KAT6A: variants seen among roughly 807,000 people sequenced by gnomAD.
The protein encoded by KAT6A is histone acetyltransferase KAT6A.
Under a neutral mutation model 198.4 loss-of-function variants are expected in KAT6A, and 9 were observed. The observed-to-expected ratio is 0.05, with a 90% CI of 0.03 to 0.08. The LOEUF (loss-of-function observed/expected upper bound fraction) is 0.08, where lower values mean the gene tolerates loss of function less well. Among genes scored for constraint, KAT6A ranks in the 10% least tolerant of loss-of-function variants. The pLI, the probability that KAT6A is intolerant of heterozygous loss-of-function variation, is 1.00. For synonymous variants in KAT6A, 890 were observed against 883.0 expected (o/e 1.01, Z -0.14); for missense variants, 2,077 against 2,509.9 (o/e 0.83, Z 3.69).
At chr8:41,981,359 TAA>T (rs1824348993) in intron 4 of KAT6A, among the ~76,000 whole-genome samples, 2 of 152,148 alleles carry the variant, frequency 1.3e-5, no homozygotes, top group African/African-American at 2.4e-5. Context: ...ACCATAATAT[TAA>T]AAGTTTCCTT....
intron 8 of KAT6A, chr8:41,957,651 T>C (rs369035659): frequency 7.1e-4 from 136 of 191,068 alleles, no homozygotes; most frequent in African/African-American, 2.6e-3. Context: ...CAGGCTAGAA[T>C]TGACCTTTTA....
chr8:42,040,735 C>CAAAAAAAAAAAAAAAAAAAAAAAA (rs59959496), intron 2 of KAT6A, among the ~76,000 whole-genome samples: 1 of 54,670 alleles, frequency 1.8e-5, no homozygotes, highest in African/African-American at 7.6e-5. Context: ...GACTCTGTCT[C>CAAAAAAAAAAAAAAAAAAAAAAAA]AAAAAAAAAA....
At chr8:41,993,777 G>A (rs1031313521) in intron 2 of KAT6A, among the ~76,000 whole-genome samples, 1 of 152,122 alleles carries the variant, frequency 6.6e-6, no homozygotes, top group Non-Finnish European at 1.5e-5. Flanking sequence ...CTGCTAATCA[G>A]TACACCATGA....
chr8:41,951,461 T>C lies in KAT6A; in HGVS notation c.1599-2098A>G, dbSNP rs573897958. 1.3e-4 allele frequency among the ~76,000 whole-genome samples: 20 copies of C among 152,130 alleles called. No individual in the cohort carries two copies. The East Asian group carries it at 2.7e-3, about 21-fold the overall frequency. ...AGAAAGAACATGAGACTACAGGAAA[T>C]GAAATGTAGTTATAAAGATTATGAA... On this transcript the variant is annotated intron_variant, in intron 9 of 16. Coordinates refer to ENST00000265713, the MANE Select transcript of KAT6A (RefSeq NM_006766.5).
intron 2 of KAT6A, among the ~76,000 whole-genome samples, chr8:42,034,637 C>A (rs1827282328): frequency 6.6e-6 from 1 of 152,220 alleles, no homozygotes. Context: ...CTACTAGCCA[C>A]ATGTGGCTAT....
At position 41,932,819 on chromosome 8, in the gene KAT6A, C is replaced by T; in HGVS notation, c.5401G>A (p.Ala1801Thr). The change falls in exon 17 of 17, where the codon GCT becomes ACT. Residue 1801 changes from alanine to threonine, a missense_variant. Ala to Thr is a moderately conservative substitution (Grantham distance 58). This residue lies in a region of KAT6A where 500 missense variants were observed against 577.2 expected (regional missense o/e 0.87). Coordinates refer to ENST00000265713, the MANE Select transcript of KAT6A (RefSeq NM_006766.5). ...LAQLAPSHPLAGTPQAQATMT... is the reference protein window; with the variant it reads ...LAQLAPSHPLTGTPQAQATMT... ...GTGGCTTGTGCTTGAGGAGTCCCAG[C>T]TAAGGGATGAGATGGAGCCAGCTGA... The T allele has an allele frequency of 6.2e-7, 1 of 1,614,054 alleles. No homozygotes were observed. Among genetic ancestry groups the T allele is most frequent in the Non-Finnish European group, 8.5e-7 (1 of 1,179,964 alleles).
chr8:41,987,597 A>AATAAAAGTATTAG, intron 2 of KAT6A, 34 bp from the exon 3 acceptor site: 1 of 1,221,142 alleles, frequency 8.2e-7, no homozygotes, highest in Non-Finnish European at 1.2e-6. Context: ...TCCAGTACTA[A>AATAAAAGTATTAG]TACTTTTATT....
chr8:41,986,629 C>T (rs1824618791), intron 3 of KAT6A, among the ~76,000 whole-genome samples: 1 of 152,114 alleles, frequency 6.6e-6, no homozygotes, highest in South Asian at 2.1e-4. Flanking sequence ...CTGAATTACA[C>T]ATTTCAGCTA....
chr8:41,951,917 G>GC (rs1410528557), intron 9 of KAT6A, among the ~76,000 whole-genome samples: 1 of 152,132 alleles, frequency 6.6e-6, no homozygotes, highest in Non-Finnish European at 1.5e-5. Context: ...AGCAGCGTAG[G>GC]CCCAGTGATT....
chr8:41,991,965 GTAATCAA>G (rs1319762745), intron 2 of KAT6A, among the ~76,000 whole-genome samples: 1 of 152,124 alleles, frequency 6.6e-6, no homozygotes, highest in Non-Finnish European at 1.5e-5. Flanking sequence ...CAAGTAGAAA[GTAATCAA>G]TAATCAATTT....
At chr8:41,990,175 C>T (rs777534786) in intron 2 of KAT6A, among the ~76,000 whole-genome samples, 2 of 152,056 alleles carry the variant, frequency 1.3e-5, no homozygotes, top group African/African-American at 2.4e-5. Context: ...AGGAATAGTA[C>T]GGCCAAGATT....
At chr8:41,992,458 T>C (rs574643114) in intron 2 of KAT6A, among the ~76,000 whole-genome samples, 22 of 152,282 alleles carry the variant, frequency 1.4e-4, no homozygotes, top group African/African-American at 5.1e-4. Context: ...ATAAAAGAGA[T>C]TGGACCTATT....
intron 2 of KAT6A, among the ~76,000 whole-genome samples, chr8:41,997,216 C>T (rs1479237422): frequency 6.6e-6 from 1 of 151,882 alleles, no homozygotes; most frequent in Non-Finnish European, 1.5e-5. Flanking sequence ...TGAACAAAAC[C>T]AATTAGTATA....
intron 3 of KAT6A, among the ~76,000 whole-genome samples, chr8:41,983,741 T>C (rs1248002369): frequency 6.6e-6 from 1 of 152,254 alleles, no homozygotes; most frequent in Non-Finnish European, 1.5e-5. Flanking sequence ...TAATATGCAG[T>C]GCCACCAGCA....
intron 9 of KAT6A, among the ~76,000 whole-genome samples, chr8:41,951,135 T>C (rs1013741167): frequency 4.0e-5 from 6 of 151,682 alleles, no homozygotes; most frequent in South Asian, 2.1e-4. Context: ...GCCACTTCCT[T>C]AGAATGGCAA....
intron 2 of KAT6A, among the ~76,000 whole-genome samples, chr8:42,036,033 C>A (rs1224585458): frequency 6.6e-6 from 1 of 151,908 alleles, no homozygotes; most frequent in Non-Finnish European, 1.5e-5. Flanking sequence ...TGTCCTATGA[C>A]AAGGTAGCAA....
rs1821735927 is a variant in KAT6A at position 41,934,346 on chromosome 8, C to T, written c.3874G>A (p.Glu1292Lys). 8 of 1,613,992 alleles carry T rather than the reference C, an allele frequency of 5.0e-6. No individual in the cohort carries two copies. The highest frequency in any genetic ancestry group is 6.8e-6 in the Non-Finnish European group (8 of 1,180,018). Reference sequence around the variant, plus strand: ...TCCTCTGGCTCTGGCTCCTCTAATTCCTGCTGCTCCTCCTCTGACTGCCTC... The same window carrying T: ...TCCTCTGGCTCTGGCTCCTCTAATTTCTGCTGCTCCTCCTCTGACTGCCTC... ...EQRQSEEEQQELEEPEPEEEE... is the reference protein window; with the variant it reads ...EQRQSEEEQQKLEEPEPEEEE... Residue 1292 changes from glutamate to lysine, a missense_variant, in exon 17 of 17, where the codon GAA (glutamate) becomes AAA (lysine). Coordinates refer to ENST00000265713, the MANE Select transcript of KAT6A (RefSeq NM_006766.5).
At chr8:41,968,364 A>T (rs555864846) in intron 8 of KAT6A, among the ~76,000 whole-genome samples, 445 of 152,336 alleles carry the variant, frequency 2.9e-3, no homozygotes, top group Non-Finnish European at 5.1e-3. Context: ...GCCAAAAAAC[A>T]CATGAAAAAA....
chr8:41,932,709 A>C lies in KAT6A; in HGVS notation c.5511T>G (p.Ile1837Met), dbSNP rs1475277705. The C allele has an allele frequency of 1.2e-6, 2 of 1,614,216 alleles. No homozygotes were observed. Among genetic ancestry groups the C allele is most frequent in the Admixed American group, 1.7e-5 (1 of 60,028 alleles). The change falls in exon 17 of 17, where the codon ATT (isoleucine) becomes ATG (methionine). Residue 1837 changes from isoleucine to methionine, a missense_variant. Physicochemically the swap from Ile to Met is conservative, Grantham distance 10. Around this residue, in one of 13 missense-constraint regions of KAT6A, gnomAD observed 500 missense variants for 577.2 expected, o/e 0.87. Transcript: ENST00000265713. ...LLQCNMSATN[I>M]GIPHTQRLQG... ...GCAATCTCTGCGTGTGAGGAATGCCAATGTTGGTGGCAGACATGTTGCACT... is the reference window on the plus strand; with the variant it reads ...GCAATCTCTGCGTGTGAGGAATGCCCATGTTGGTGGCAGACATGTTGCACT...
Sources: gnomAD v4.1 joint callset for allele counts (sites outside exome capture counted in the v4.1 genomes callset) on GRCh38, gnomAD v4.1.1 for gene constraint, gnomAD v4.1.1 regional missense constraint, MANE v1.5 for transcripts, NCBI Gene and HGNC (gene_info 2026-07-23, HGNC 2026-07-21) for gene names.